JAK1: variants seen among roughly 807,000 people sequenced by gnomAD.
JAK1 encodes Janus kinase 1, also known as tyrosine-protein kinase JAK1.
In JAK1, 16 loss-of-function variants were observed where a neutral mutation model predicts 136.6. That is an observed-to-expected ratio of 0.12 (90% CI 0.08 to 0.18). The LOEUF (loss-of-function observed/expected upper bound fraction) is 0.18. Ranked by LOEUF, JAK1 falls within the 10% of genes least tolerant of loss-of-function variation. The pLI, the probability that JAK1 is intolerant of heterozygous loss-of-function variation, is 1.00. For missense variants in JAK1, 859 were observed against 1,450.1 expected (o/e 0.59, Z 6.62); for synonymous variants, 492 against 519.5 (o/e 0.95, Z 0.72).
chr1:65,049,651 G>A (rs1647230975), intron 1 of JAK1, among the ~76,000 whole-genome samples: 1 of 152,088 alleles, frequency 6.6e-6, no homozygotes. Flanking sequence ...TCCACAGATG[G>A]GTTGTGGAGG....
chr1:64,834,681 C>A, intron 24 of JAK1, 24 bp from the exon 25 acceptor site: 1 of 1,446,890 alleles, frequency 6.9e-7, no homozygotes, highest in Non-Finnish European at 9.7e-7. Flanking sequence ...GAAGTAACAA[C>A]AGTAAAAATG....
intron 2 of JAK1, among the ~76,000 whole-genome samples, chr1:64,997,760 T>C (rs977903731): frequency 3.3e-5 from 5 of 152,102 alleles, no homozygotes; most frequent in Non-Finnish European, 5.9e-5. Context: ...CTCCAGAACA[T>C]ACAGAGTCCT....
chr1:64,858,380 A>T (rs984582327), intron 9 of JAK1, among the ~76,000 whole-genome samples: 1 of 151,882 alleles, frequency 6.6e-6, no homozygotes, highest in African/African-American at 2.4e-5. Context: ...CTGGTGAGAG[A>T]GGGCCGCCAT....
intron 1 of JAK1, among the ~76,000 whole-genome samples, chr1:64,895,937 GT>G (rs1244351665): frequency 6.6e-6 from 1 of 152,204 alleles, no homozygotes; most frequent in Non-Finnish European, 1.5e-5. Flanking sequence ...AATTTTCAGT[GT>G]ATTTCATGGA....
At chr1:64,964,436 G>A (rs1287044368) in intron 1 of JAK1, among the ~76,000 whole-genome samples, 1 of 152,202 alleles carries the variant, frequency 6.6e-6, no homozygotes, top group African/African-American at 2.4e-5. Context: ...TGTTTCAGTC[G>A]GAAGTATATG....
intron 2 of JAK1, chr1:64,985,941 G>T (rs1272230391): frequency 2.2e-6 from 2 of 923,504 alleles, no homozygotes; most frequent in Non-Finnish European, 3.5e-6. Flanking sequence ...AGAGGGAGGG[G>T]TATTTGCCTT....
At chr1:65,048,264 A>G (rs1167301612) in intron 1 of JAK1, among the ~76,000 whole-genome samples, 1 of 152,162 alleles carries the variant, frequency 6.6e-6, no homozygotes, top group Non-Finnish European at 1.5e-5. Flanking sequence ...CTAGGTCTTC[A>G]TTTTCCCTGC....
intron 1 of JAK1, among the ~76,000 whole-genome samples, chr1:64,901,503 C>T (rs907085815): frequency 2.6e-5 from 4 of 152,230 alleles, no homozygotes; most frequent in African/African-American, 9.6e-5. Flanking sequence ...AAGTCTAATA[C>T]AGTATGTCAA....
chr1:64,878,988 G>A (rs1315661722), intron 4 of JAK1, 37 bp downstream of exon 4: 2 of 1,611,064 alleles, frequency 1.2e-6, no homozygotes, highest in East Asian at 2.2e-5. Flanking sequence ...TCAGTGCAGA[G>A]GGAGCCAGGC....
intron 17 of JAK1, among the ~76,000 whole-genome samples, chr1:64,842,819 C>G (rs1477046183): frequency 6.6e-6 from 1 of 152,214 alleles, no homozygotes; most frequent in Non-Finnish European, 1.5e-5. Context: ...ATCTGTAGAT[C>G]TGATGGTTTC....
chr1:64,954,663 CA>C (rs940691571), intron 1 of JAK1, among the ~76,000 whole-genome samples: 5 of 151,792 alleles, frequency 3.3e-5, no homozygotes, highest in African/African-American at 7.3e-5. Context: ...TACCACTCTC[CA>C]AAAAAAGGAG....
At chr1:64,899,903 G>A (rs1399478751) in intron 1 of JAK1, among the ~76,000 whole-genome samples, 1 of 152,174 alleles carries the variant, frequency 6.6e-6, no homozygotes, top group Non-Finnish European at 1.5e-5. Flanking sequence ...ATGATGCATA[G>A]ACGCACACAT....
At chr1:65,018,787 G>C (rs947634499) in intron 2 of JAK1, among the ~76,000 whole-genome samples, 1 of 152,194 alleles carries the variant, frequency 6.6e-6, no homozygotes, top group African/African-American at 2.4e-5. Context: ...GAGGCGGGCA[G>C]ATCACGAGGT....
chr1:64,928,778 C>CAAAAAAAAAAAAAAAAAAAAAA lies in JAK1; in HGVS notation c.-78+37554_-78+37555insTTTTTTTTTTTTTTTTTTTTTT, dbSNP rs1183218798. On this transcript the variant is annotated intron_variant, in intron 1 of 24. Coordinates refer to ENST00000342505, the MANE Select transcript of JAK1 (RefSeq NM_002227.4). ...AGGTTCTGAGTGCTATAAAACTCTGCAAAAAAAAAAAAAAAAAACAAAAAA... is the reference window on the plus strand; with the variant it reads ...AGGTTCTGAGTGCTATAAAACTCTGCAAAAAAAAAAAAAAAAAAAAAAAAAAAAAAAAAAAAAAAACAAAAAA... Among the ~76,000 whole-genome samples the CAAAAAAAAAAAAAAAAAAAAAA allele has an allele frequency of 8.5e-3, 518 of 60,976 alleles. 2 individuals are homozygous for CAAAAAAAAAAAAAAAAAAAAAA. Among genetic ancestry groups the CAAAAAAAAAAAAAAAAAAAAAA allele is most frequent in the Middle Eastern group, 0.025 (1 of 40 alleles). The allele number at this position is 60,976 out of a possible 152,430, so 40.0% of individuals were successfully genotyped here.
At chr1:64,904,781 CA>C (rs1473845618) in intron 1 of JAK1, among the ~76,000 whole-genome samples, 4 of 152,066 alleles carry the variant, frequency 2.6e-5, no homozygotes, top group Non-Finnish European at 4.4e-5. Context: ...TGGATAAACA[CA>C]AGCATGGGAT....
intron 1 of JAK1, among the ~76,000 whole-genome samples, chr1:65,055,406 A>C (rs1647487313): frequency 6.6e-6 from 1 of 152,202 alleles, no homozygotes; most frequent in Non-Finnish European, 1.5e-5. Flanking sequence ...TTATCCATCA[A>C]TGGACACTTG....
intron 1 of JAK1, among the ~76,000 whole-genome samples, chr1:65,056,265 A>C (rs757771892): frequency 6.6e-6 from 1 of 152,224 alleles, no homozygotes; most frequent in Non-Finnish European, 1.5e-5. Flanking sequence ...GAAATTGTGG[A>C]TCTATGAGGA....
At position 64,869,474 on chromosome 1, in the gene JAK1, C is replaced by A; in HGVS notation, c.484G>T (p.Gly162Ter). ...ASSLEYLFAQ[G>*]QYDLVKCLAP... ...AGGCATTTCACCAAATCATACTGTC[C>A]CTAGGAGCAAGGGGGAGAAACCATG... The change falls in exon 6 of 25, where the codon GGA becomes TGA. Residue 162 changes from glycine to a stop codon, truncating the protein, a stop_gained and splice_region_variant. Transcript: ENST00000342505. LOFTEE classifies it high-confidence loss of function. 6.2e-7 allele frequency: 1 copy of A among 1,613,616 alleles called. No individual in the cohort carries two copies. The highest frequency in any genetic ancestry group is 1.1e-5 in the South Asian group (1 of 91,028).
intron 2 of JAK1, among the ~76,000 whole-genome samples, chr1:64,975,335 G>A (rs1646489460): frequency 6.6e-6 from 1 of 152,168 alleles, no homozygotes; most frequent in Non-Finnish European, 1.5e-5. Flanking sequence ...CAAACATGGT[G>A]GTGTGTGCAC....
Sources: gnomAD v4.1 joint callset for allele counts (sites outside exome capture counted in the v4.1 genomes callset) on GRCh38, gnomAD v4.1.1 for gene constraint, MANE v1.5 for transcripts, NCBI Gene and HGNC (gene_info 2026-07-23, HGNC 2026-07-21) for gene names.